Variants in SPATA6 observed in about 807,000 individuals in gnomAD.
SPATA6 encodes spermatogenesis associated 6, also known as spermatogenesis-associated protein 6.
Under a neutral mutation model 65.3 loss-of-function variants are expected in SPATA6, and 56 were observed. The observed-to-expected ratio is 0.86, with a 90% CI of 0.69 to 1.07. SPATA6 has a LOEUF of 1.07. SPATA6 is among the 50% of genes least tolerant of loss of function. SPATA6 has a pLI of 0.00. For missense variants in SPATA6, 590 were observed against 594.8 expected, an observed-to-expected ratio of 0.99 and a Z score of 0.08; for synonymous variants, 199 against 213.2, an observed-to-expected ratio of 0.93 and a Z score of 0.58.
chr1:48,307,654 T>G (rs1354620546), intron 11 of SPATA6, among the ~76,000 whole-genome samples: 1 of 151,560 alleles, frequency 6.6e-6, no homozygotes, highest in African/African-American at 2.4e-5. Flanking sequence ...ATTTCCTTAT[T>G]TATCTTCTGT....
chr1:48,366,385 C>T (rs1420416119), intron 9 of SPATA6, among the ~76,000 whole-genome samples: 1 of 152,086 alleles, frequency 6.6e-6, no homozygotes, highest in East Asian at 1.9e-4. Flanking sequence ...CCCGTTCCTC[C>T]TTGTACCTCT....
intron 8 of SPATA6, among the ~76,000 whole-genome samples, chr1:48,390,123 T>C (rs1190820379): frequency 6.6e-6 from 1 of 152,176 alleles, no homozygotes; most frequent in African/African-American, 2.4e-5. Context: ...GAAGAGATAT[T>C]GCAGCACTAT....
At position 48,409,360 on chromosome 1, in the gene SPATA6, C is replaced by T. The variant is rs139428930; in HGVS notation, c.405+2104G>A. ...TTCCCATGGTCTTGGGCAGCTCCGCCCCTGTGGCTTTGCAGGGTATAGCCT... is the reference window on the plus strand; with the variant it reads ...TTCCCATGGTCTTGGGCAGCTCCGCTCCTGTGGCTTTGCAGGGTATAGCCT... On this transcript the variant is annotated intron_variant, in intron 5 of 12. Coordinates refer to ENST00000371847, the MANE Select transcript of SPATA6 (RefSeq NM_019073.4). Among the ~76,000 whole-genome samples, 81 of 152,358 alleles carry T rather than the reference C, an allele frequency of 5.3e-4. No individual in the cohort carries two copies. In the East Asian group the frequency reaches 0.015, roughly 28 times the overall value.
the SPATA6 span, among the ~76,000 whole-genome samples, chr1:48,275,479 T>A: frequency 6.6e-6 from 1 of 152,300 alleles, no homozygotes; most frequent in East Asian, 1.9e-4. Context: ...TGTGGGTTTG[T>A]CATTAATAGC....
At chr1:48,396,224 G>A (rs1404195812) in intron 7 of SPATA6, among the ~76,000 whole-genome samples, 6 of 151,698 alleles carry the variant, frequency 4.0e-5, no homozygotes, top group African/African-American at 1.4e-4. Flanking sequence ...TGGCTATTAT[G>A]AAAATAAAGT....
At position 48,298,853 on chromosome 1, in the gene SPATA6, C is replaced by G. The variant is rs147329302; in HGVS notation, c.1327G>C (p.Gly443Arg). Residue 443 changes from glycine (G) to arginine (R), a missense_variant, in exon 13 of 13, where the codon GGT becomes CGT. Transcript: ENST00000371847. ...QPRGTFHLDD[G>R]EYWSNRAASY... Reference sequence around the variant, plus strand: ...GCTGCCCTGTTGGACCAGTATTCACCGTCATCCAAATGGAAAGTGCCACGT... The same window carrying G: ...GCTGCCCTGTTGGACCAGTATTCACGGTCATCCAAATGGAAAGTGCCACGT... The G allele has an allele frequency of 6.2e-7, 1 of 1,613,638 alleles. No homozygotes were observed. Among genetic ancestry groups the G allele is most frequent in the South Asian group, 1.1e-5 (1 of 90,984 alleles).
At chr1:48,305,402 T>C (rs937944795) in intron 12 of SPATA6, among the ~76,000 whole-genome samples, 10 of 152,164 alleles carry the variant, frequency 6.6e-5, no homozygotes, top group African/African-American at 2.4e-4. Context: ...CTTGTACAAA[T>C]GTTATTATTA....
At position 48,411,545 on chromosome 1, in the gene SPATA6, G is replaced by A. The variant is rs1322346031; in HGVS notation, c.324C>T (p.Phe108=). ...ACATTTGGTTTGGACCCGGAAACAT[G>A]AAATCTCGTGTATTTTCGTCATACG... The part of the protein sequence containing the change: ...LSTYDENTRD[F]MFPGPNQMSG... The change falls in exon 5 of 13, where the codon TTC becomes TTT. Residue 108 remains phenylalanine (F), a synonymous_variant. Transcript: ENST00000371847. The A allele has an allele frequency of 3.1e-6, 5 of 1,610,186 alleles. No homozygotes were observed. Among genetic ancestry groups the A allele is most frequent in the Admixed American group, 3.4e-5 (2 of 59,532 alleles).
the SPATA6 span, among the ~76,000 whole-genome samples, chr1:48,285,495 AAACTCCTGCAG>A: frequency 6.6e-6 from 1 of 150,872 alleles, no homozygotes; most frequent in Admixed American, 6.6e-5. Context: ...AAAAAAAAAA[AAACTCCTGCAG>A]CTAGCTCGGT....
chr1:48,365,563 G>A (rs368339558), intron 9 of SPATA6, among the ~76,000 whole-genome samples: 1 of 150,214 alleles, frequency 6.7e-6, no homozygotes, highest in Non-Finnish European at 1.5e-5. Context: ...TTGAAGCAAT[G>A]GTGAATGGGA....
the SPATA6 span, among the ~76,000 whole-genome samples, chr1:48,279,277 C>T: frequency 6.0e-4 from 90 of 151,038 alleles, no homozygotes; most frequent in South Asian, 2.3e-3. Context: ...CATCAACTAA[C>T]GAGCAAAATA....
chr1:48,359,212 T>C (rs1019576068), intron 10 of SPATA6, among the ~76,000 whole-genome samples: 5 of 152,134 alleles, frequency 3.3e-5, no homozygotes, highest in Admixed American at 1.3e-4. Context: ...CAAAAATATA[T>C]AGATAGCCAT....
At position 48,295,627 on chromosome 1, in the gene SPATA6, G is replaced by A. The variant is rs186211810; in HGVS notation, c.*3086C>T. On this transcript the variant is annotated 3_prime_UTR_variant, in exon 13 of 13. Coordinates refer to ENST00000371847, the MANE Select transcript of SPATA6 (RefSeq NM_019073.4). ...AATGGTTACAGGATTTCTTTTGGGA[G>A]TTATAAAATATTCTGTAATTAGTGA... is the stretch of plus-strand genomic sequence containing the variant. The A allele has an allele frequency of 6.6e-6, 1 of 152,280 alleles. No homozygotes were observed. The highest frequency in any genetic ancestry group is 6.5e-5 in the Admixed American group (1 of 15,288). 9.4% of individuals were successfully genotyped at this position (152,280 alleles called of 1,614,324 possible).
intron 1 of SPATA6, among the ~76,000 whole-genome samples, chr1:48,458,256 T>C (rs1448927203): frequency 6.6e-6 from 1 of 152,132 alleles, no homozygotes; most frequent in Non-Finnish European, 1.5e-5. Context: ...TGTGGTTACA[T>C]TAAAGATAAA....
chr1:48,432,300 C>T (rs982023015), intron 3 of SPATA6, among the ~76,000 whole-genome samples: 1 of 151,980 alleles, frequency 6.6e-6, no homozygotes, highest in African/African-American at 2.4e-5. Flanking sequence ...AATAGGACTC[C>T]ATGAAAATGT....
chr1:48,379,753 CT>C (rs1648337234), intron 9 of SPATA6, among the ~76,000 whole-genome samples: 1 of 151,772 alleles, frequency 6.6e-6, no homozygotes, highest in African/African-American at 2.4e-5. Flanking sequence ...CTTAAAGCCA[CT>C]TTCTCTTCTT....
At chr1:48,434,157 G>C (rs989285344) in intron 3 of SPATA6, among the ~76,000 whole-genome samples, 4 of 150,892 alleles carry the variant, frequency 2.7e-5, no homozygotes, top group African/African-American at 9.7e-5. Context: ...ATGGTAATGA[G>C]AGGCAGTTAT....
intron 9 of SPATA6, among the ~76,000 whole-genome samples, chr1:48,374,901 G>A (rs1334154037): frequency 1.3e-5 from 2 of 152,118 alleles, no homozygotes; most frequent in Non-Finnish European, 2.9e-5. Flanking sequence ...CTCTTTCAGA[G>A]ACAACACTAA....
chr1:48,395,758 G>C (rs1284702232), intron 7 of SPATA6, among the ~76,000 whole-genome samples: 1 of 151,624 alleles, frequency 6.6e-6, no homozygotes, highest in Non-Finnish European at 1.5e-5. Flanking sequence ...GTCTTTATTT[G>C]GCTGCTTTCA....
Sources: gnomAD v4.1 joint callset for allele counts (sites outside exome capture counted in the v4.1 genomes callset) on GRCh38, gnomAD v4.1.1 for gene constraint, MANE v1.5 for transcripts, NCBI Gene and HGNC (gene_info 2026-07-23, HGNC 2026-07-21) for gene names.